Variants in FAM227B observed in about 807,000 individuals in gnomAD.
FAM227B encodes protein FAM227B.
In FAM227B, 88 loss-of-function variants were observed where a neutral mutation model predicts 73.8. The ratio of observed to expected loss-of-function variants is 1.19; its 90% CI spans 1.00 to 1.42. The LOEUF (loss-of-function observed/expected upper bound fraction) is 1.42, where lower values mean the gene tolerates loss of function less well. FAM227B is among the 40% of genes most tolerant of loss of function. The probability of loss-of-function intolerance (pLI) is 0.00; values close to 1 mark genes in which losing one functional copy is unlikely to be tolerated. For synonymous variants in FAM227B, 210 were observed against 190.5 expected, an observed-to-expected ratio of 1.10 and a Z score of -0.84; for missense variants, 632 against 590.9, an observed-to-expected ratio of 1.07 and a Z score of -0.72.
intron 13 of FAM227B, among the ~76,000 whole-genome samples, chr15:49,346,051 A>AT (rs35105464): frequency 0.4 from 58,380 of 145,386 alleles, 11,463 homozygotes; most frequent in African/African-American, 0.43. Context: ...TGCTTTTGTT[A>AT]TTTTTTTTTT....
At chr15:49,425,222 C>T (rs748960278) in intron 11 of FAM227B, 4 of 151,532 alleles carry the variant, frequency 2.6e-5, no homozygotes, top group Non-Finnish European at 5.9e-5. Context: ...TCTTTTATGT[C>T]ATAAAAGTTC....
At chr15:49,604,915 C>A (rs1276293496) in intron 3 of FAM227B, among the ~76,000 whole-genome samples, 1 of 151,900 alleles carries the variant, frequency 6.6e-6, no homozygotes, top group East Asian at 1.9e-4. Flanking sequence ...GATTTTTTAT[C>A]TCTTTTATAA....
At chr15:49,588,279 C>T (rs2076294275) in intron 4 of FAM227B, among the ~76,000 whole-genome samples, 196 bp from the exon 5 acceptor site, 1 of 151,480 alleles carries the variant, frequency 6.6e-6, no homozygotes, top group African/African-American at 2.4e-5. Context: ...AGTATATCTT[C>T]TGTTTCCTTT....
chr15:49,357,939 A>T (rs2043460809), intron 13 of FAM227B, among the ~76,000 whole-genome samples: 1 of 152,052 alleles, frequency 6.6e-6, no homozygotes, highest in African/African-American at 2.4e-5. Flanking sequence ...CAATATACAC[A>T]AATCAATAAA....
chr15:49,397,871 C>T (rs189186072), intron 11 of FAM227B, among the ~76,000 whole-genome samples: 8 of 152,210 alleles, frequency 5.3e-5, no homozygotes, highest in Middle Eastern at 3.4e-3. Flanking sequence ...AAGGAACCAC[C>T]GGTACCAGCA....
intron 9 of FAM227B, among the ~76,000 whole-genome samples, chr15:49,545,828 A>T (rs2071763372): frequency 6.6e-6 from 1 of 151,876 alleles, no homozygotes; most frequent in Non-Finnish European, 1.5e-5. Context: ...GTAATTTCTA[A>T]TTTTATTCTA....
intron 11 of FAM227B, 42 bp downstream of exon 11, chr15:49,508,169 T>G (rs761155158): frequency 6.4e-7 from 1 of 1,564,640 alleles, no homozygotes; most frequent in Non-Finnish European, 8.6e-7. Context: ...AATTGATTTT[T>G]GCTACCTATT....
intron 11 of FAM227B, among the ~76,000 whole-genome samples, chr15:49,501,936 G>A (rs867730339): frequency 6.6e-6 from 1 of 152,208 alleles, no homozygotes; most frequent in Non-Finnish European, 1.5e-5. Context: ...GCTTTAAAAG[G>A]TCCAGGTACA....
intron 3 of FAM227B, 71 bp from the exon 4 acceptor site, chr15:49,590,078 C>A: frequency 2.5e-6 from 2 of 802,380 alleles, no homozygotes; most frequent in Non-Finnish European, 2.1e-6. Context: ...GAGTTCAAAA[C>A]CAATGAGCTA....
intron 13 of FAM227B, among the ~76,000 whole-genome samples, chr15:49,354,700 C>T (rs1404128445): frequency 3.9e-5 from 6 of 152,224 alleles, no homozygotes; most frequent in Non-Finnish European, 8.8e-5. Context: ...ATTAGGTAAA[C>T]AAAACAGTCG....
intron 3 of FAM227B, among the ~76,000 whole-genome samples, chr15:49,598,632 AT>A (rs1438531009): frequency 6.6e-6 from 1 of 151,924 alleles, no homozygotes; most frequent in African/African-American, 2.4e-5. Flanking sequence ...TCTGCACCTA[AT>A]TTGCTGAGAG....
intron 2 of FAM227B, chr15:49,614,642 C>T (rs897915254): frequency 1.3e-5 from 2 of 153,620 alleles, no homozygotes; most frequent in Non-Finnish European, 1.5e-5. Context: ...ATCTGAGTTC[C>T]TTTCCCAGAA....
chr15:49,396,622 G>T (rs1029673510), intron 11 of FAM227B, among the ~76,000 whole-genome samples: 2 of 152,016 alleles, frequency 1.3e-5, no homozygotes, highest in Non-Finnish European at 2.9e-5. Context: ...AGAGAGCAGT[G>T]GTTCTCCCAG....
chr15:49,367,308 G>C, intron 13 of FAM227B, 140 bp downstream of exon 13: 1 of 701,842 alleles, frequency 1.4e-6, no homozygotes, highest in Non-Finnish European at 2.1e-6. Flanking sequence ...AAAGTTTTAA[G>C]CATAAGTAAA....
chr15:49,577,253 C>T lies in FAM227B; in HGVS notation c.441+376G>A, dbSNP rs754912360. 3.2e-5 allele frequency: 11 copies of T among 344,566 alleles called. 1 individual carries two copies. In the East Asian group the frequency reaches 6.0e-4, roughly 19 times the overall value. The allele number at this position is 344,566 out of a possible 1,614,324, so 21.3% of individuals were successfully genotyped here. A position where few individuals can be genotyped will look rare whatever the true frequency, so the allele number is the denominator to read the frequency against. On this transcript the variant is annotated intron_variant, in intron 6 of 15. Transcript: ENST00000299338. ...CAGAGGTTGCAGTGAGCCACGGTTG[C>T]GCCACTGCACTCCAGCCTGGGCCAC...
At chr15:49,373,097 ATTAC>A (rs1165651348) in intron 11 of FAM227B, among the ~76,000 whole-genome samples, 14 of 152,178 alleles carry the variant, frequency 9.2e-5, no homozygotes, top group African/African-American at 2.9e-4. Flanking sequence ...TATATATGAT[ATTAC>A]TTAATTTCTA....
intron 12 of FAM227B, among the ~76,000 whole-genome samples, chr15:49,369,792 A>G (rs2151470386): frequency 6.6e-6 from 1 of 152,318 alleles, no homozygotes; most frequent in South Asian, 2.1e-4. Flanking sequence ...CCATACAGAA[A>G]AACTCTAATT....
At chr15:49,464,829 C>T (rs1057312328) in intron 11 of FAM227B, among the ~76,000 whole-genome samples, 1 of 151,954 alleles carries the variant, frequency 6.6e-6, no homozygotes, top group Non-Finnish European at 1.5e-5. Context: ...CCTTGCTTAG[C>T]GTTAATAAAA....
chr15:49,442,067 T>C (rs116226827), intron 11 of FAM227B, among the ~76,000 whole-genome samples: 3,452 of 151,740 alleles, frequency 0.023, 99 homozygotes, highest in South Asian at 0.08. Context: ...AGTAATTGAA[T>C]TAAGTAAGAA....
Sources: gnomAD v4.1 joint callset for allele counts (sites outside exome capture counted in the v4.1 genomes callset) on GRCh38, gnomAD v4.1.1 for gene constraint, MANE v1.5 for transcripts, NCBI Gene and HGNC (gene_info 2026-07-23, HGNC 2026-07-21) for gene names.